ATRNL1: variants seen among roughly 807,000 people sequenced by gnomAD.
The protein encoded by ATRNL1 is attractin-like protein 1.
ATRNL1 carries 95 observed loss-of-function variants against 182.7 expected under a neutral mutation model. The observed-to-expected ratio is 0.52, with a 90% CI of 0.44 to 0.62. The LOEUF is 0.62. ATRNL1 is among the 20% of genes least tolerant of loss of function. The probability of loss-of-function intolerance (pLI) is 0.00; values close to 1 mark genes in which losing one functional copy is unlikely to be tolerated. For missense variants in ATRNL1, 1,471 were observed against 1,679.5 expected (o/e 0.88, Z 2.17); for synonymous variants, 576 against 568.3 (o/e 1.01, Z -0.19).
intron 24 of ATRNL1, among the ~76,000 whole-genome samples, chr10:115,504,751 C>T (rs999704379): frequency 2.6e-5 from 4 of 151,826 alleles, no homozygotes; most frequent in Admixed American, 2.6e-4. Context: ...ATTTGACTAG[C>T]CTTTTCTTTT....
intron 27 of ATRNL1, among the ~76,000 whole-genome samples, chr10:115,802,036 ACACACACAC>A (rs1555084476): frequency 1.5e-5 from 1 of 68,838 alleles, no homozygotes; most frequent in East Asian, 5.5e-4. Flanking sequence ...ACACACACAC[ACACACACAC>A]AAAACAAAAA....
intron 5 of ATRNL1, among the ~76,000 whole-genome samples, chr10:115,150,327 A>G (rs1846166456): frequency 6.7e-6 from 1 of 148,522 alleles, no homozygotes; most frequent in South Asian, 2.1e-4. Flanking sequence ...TTCCACCTCT[A>G]TTTCATTTAG....
intron 27 of ATRNL1, among the ~76,000 whole-genome samples, chr10:115,737,080 G>A (rs373887301): frequency 5.9e-5 from 9 of 152,022 alleles, no homozygotes; most frequent in African/African-American, 2.2e-4. Flanking sequence ...GTTTTATCTG[G>A]TTGCCTTGGA....
At chr10:115,663,983 C>T (rs1860855466) in intron 26 of ATRNL1, among the ~76,000 whole-genome samples, 1 of 152,108 alleles carries the variant, frequency 6.6e-6, no homozygotes, top group Non-Finnish European at 1.5e-5. Context: ...TGACCCATAC[C>T]ATTTTCCCAC....
chr10:115,093,761 G>T lies in ATRNL1; in HGVS notation c.11G>T (p.Gly4Val). The T allele has an allele frequency of 7.1e-7, 1 of 1,416,056 alleles. No homozygotes were observed. The highest frequency in any genetic ancestry group is 2.9e-5 in the East Asian group (1 of 33,928). The allele number at this position is 1,416,056 out of a possible 1,614,324, so 87.7% of individuals were successfully genotyped here. METGGRARTGTPQP... is the reference protein window; with the variant it reads METVGRARTGTPQP... ...GGGGCGCCGGGGAAGATGGAGACTG[G>T]GGGCCGGGCCCGCACTGGTACCCCG... Residue 4 changes from glycine to valine, a missense_variant, in exon 1 of 29, where the codon GGG becomes GTG. Gly to Val is a moderately radical substitution (Grantham distance 109). Transcript: ENST00000355044. The surrounding 1 kb of genome is among the most constrained non-coding windows in gnomAD (Gnocchi z 6.1).
chr10:115,599,490 C>T (rs568904578), intron 26 of ATRNL1, among the ~76,000 whole-genome samples: 1 of 151,592 alleles, frequency 6.6e-6, no homozygotes, highest in East Asian at 1.9e-4. Context: ...AATAATTTTA[C>T]TGATGCATCA....
rs67676674 is a variant in ATRNL1, at chr10:115,868,822, C to CTTT, written c.4018+20854_4018+20856dup. Among the ~76,000 whole-genome samples, 107 of 58,070 alleles carry CTTT rather than the reference C, an allele frequency of 1.8e-3. 17 individuals carry two copies. In the South Asian group the frequency reaches 0.073, roughly 40 times the overall value. 38.1% of individuals were successfully genotyped at this position (58,070 alleles called of 152,430 possible). A position where few individuals can be genotyped will look rare whatever the true frequency, so the allele number is the denominator to read the frequency against. ...ATATATCTGGTGGCAAGTCTTTATT[C>CTTT]TTTTTTTTTTTTTTTTTTTTTTTTT... On this transcript the variant is annotated intron_variant, in intron 28 of 28. Transcript: ENST00000355044.
intron 13 of ATRNL1, among the ~76,000 whole-genome samples, chr10:115,279,538 T>C (rs992230012): frequency 1.1e-4 from 17 of 152,188 alleles, no homozygotes; most frequent in Non-Finnish European, 1.5e-4. Flanking sequence ...AACCATGTTA[T>C]CTAAAACAAC....
rs139612048 is a variant in ATRNL1, at chr10:115,696,502, T to C, written c.3796-30746T>C. On this transcript the variant is annotated intron_variant, in intron 26 of 28. Transcript: ENST00000355044. ...AAAACAAAACAAAATAATAGGACAA[T>C]TTATGTTCCTTTGGGTATATGCCCA... 8.9e-4 allele frequency among the ~76,000 whole-genome samples: 136 copies of C among 152,168 alleles called. 1 individual carries two copies. The highest frequency in any genetic ancestry group is 3.0e-3 in the African/African-American group (124 of 41,546).
At chr10:115,204,280 T>G (rs949504640) in intron 8 of ATRNL1, among the ~76,000 whole-genome samples, 2 of 152,056 alleles carry the variant, frequency 1.3e-5, no homozygotes, top group Admixed American at 1.3e-4. Flanking sequence ...ATGTCTTTCA[T>G]TTTTTTCTTT....
intron 24 of ATRNL1, among the ~76,000 whole-genome samples, chr10:115,509,397 G>A (rs1332260290): frequency 1.3e-5 from 2 of 151,992 alleles, no homozygotes; most frequent in African/African-American, 4.8e-5. Flanking sequence ...GGCCTGGTGG[G>A]AGGTGATTGG....
chr10:115,890,226 A>G (rs1006226838), intron 28 of ATRNL1, among the ~76,000 whole-genome samples: 1 of 152,184 alleles, frequency 6.6e-6, no homozygotes, highest in Non-Finnish European at 1.5e-5. Flanking sequence ...GTTAGAGCAC[A>G]TGGGGACAGA....
chr10:115,707,101 T>G (rs1204685517), intron 26 of ATRNL1, among the ~76,000 whole-genome samples: 1 of 151,984 alleles, frequency 6.6e-6, no homozygotes, highest in Middle Eastern at 3.4e-3. Flanking sequence ...TCCGTGTCGC[T>G]TTTATCCTGT....
At chr10:115,773,662 C>G (rs1475741670) in intron 27 of ATRNL1, among the ~76,000 whole-genome samples, 1 of 152,160 alleles carries the variant, frequency 6.6e-6, no homozygotes, top group Non-Finnish European at 1.5e-5. Flanking sequence ...CTGGGGACCC[C>G]TGCACCTGCA....
chr10:115,170,091 A>G (rs1401107720), intron 7 of ATRNL1, among the ~76,000 whole-genome samples: 2 of 152,180 alleles, frequency 1.3e-5, no homozygotes, highest in Non-Finnish European at 2.9e-5. Flanking sequence ...GCAAATAGAA[A>G]TATTTTACTT....
At chr10:115,366,406 G>T (rs1228511135) in intron 19 of ATRNL1, among the ~76,000 whole-genome samples, 28 of 152,158 alleles carry the variant, frequency 1.8e-4, no homozygotes, top group Non-Finnish European at 3.7e-4. Context: ...TTGAGCCTAT[G>T]TGTGTCTCTA....
At chr10:115,518,026 A>G (rs1489822042) in intron 24 of ATRNL1, among the ~76,000 whole-genome samples, 7 of 151,932 alleles carry the variant, frequency 4.6e-5, no homozygotes, top group African/African-American at 1.4e-4. Flanking sequence ...GAATATTACT[A>G]TATTTAAGCT....
chr10:115,328,812 T>C (rs1855051938), intron 18 of ATRNL1, among the ~76,000 whole-genome samples: 1 of 152,144 alleles, frequency 6.6e-6, no homozygotes, highest in Non-Finnish European at 1.5e-5. Context: ...TGTGTGCATG[T>C]GTGTATGTGT....
chr10:115,802,017 A>ACACACACACACACACACACAC (rs1949805068), intron 27 of ATRNL1, among the ~76,000 whole-genome samples: 1 of 23,484 alleles, frequency 4.3e-5, no homozygotes, highest in South Asian at 1.3e-3. Flanking sequence ...TTAAAAAAAA[A>ACACACACACACACACACACAC]AGAAACACAC....
Sources: allele counts gnomAD v4.1 joint callset (sites outside exome capture counted in the v4.1 genomes callset), GRCh38; gene constraint gnomAD v4.1.1; non-coding constraint Gnocchi (gnomAD v3.1); transcripts MANE v1.5; gene names NCBI Gene and HGNC (gene_info 2026-07-23, HGNC 2026-07-21).